GRK5: variants seen among roughly 807,000 people sequenced by gnomAD.
The protein encoded by GRK5 is G protein-coupled receptor kinase 5, also known as g protein-coupled receptor kinase GRK5.
GRK5 carries 40 observed loss-of-function variants against 78.4 expected under a neutral mutation model. The observed-to-expected ratio is 0.51, with a 90% CI of 0.40 to 0.66. The LOEUF (loss-of-function observed/expected upper bound fraction) is 0.66. GRK5 is among the 30% of genes least tolerant of loss of function. The pLI, the probability that GRK5 is intolerant of heterozygous loss-of-function variation, is 0.00. For synonymous variants in GRK5, 289 were observed against 296.8 expected (o/e 0.97, Z 0.27); for missense variants, 598 against 759.9 (o/e 0.79, Z 2.50).
chr10:119,444,194 G>A (rs1853098266), intron 12 of GRK5, among the ~76,000 whole-genome samples: 1 of 152,158 alleles, frequency 6.6e-6, no homozygotes, highest in African/African-American at 2.4e-5. Context: ...AGGGGGTGGG[G>A]GCGACGATTT....
chr10:119,290,367 A>AAAC (rs1242322365), intron 1 of GRK5, among the ~76,000 whole-genome samples: 14,213 of 134,392 alleles, frequency 0.11, 1,492 homozygotes, highest in Non-Finnish European at 0.16. Flanking sequence ...AAAAAAACAA[A>AAAC]AAACAACTCT....
At chr10:119,234,555 C>G (rs1002534998) in intron 1 of GRK5, among the ~76,000 whole-genome samples, 1 of 152,170 alleles carries the variant, frequency 6.6e-6, no homozygotes, top group South Asian at 2.1e-4. Flanking sequence ...GATAATGTGT[C>G]TTAAATTTAA....
At chr10:119,449,573 G>A (rs1853232750) in intron 13 of GRK5, among the ~76,000 whole-genome samples, 1 of 152,160 alleles carries the variant, frequency 6.6e-6, no homozygotes, top group African/African-American at 2.4e-5. Context: ...GGCTGAGGCA[G>A]TCGGGTTAGG....
intron 1 of GRK5, among the ~76,000 whole-genome samples, chr10:119,259,059 CTTTTTCTTTT>C (rs1849330162): frequency 9.8e-6 from 1 of 102,430 alleles, no homozygotes; most frequent in Non-Finnish European, 2.1e-5. Flanking sequence ...CTCCCTCTTT[CTTTTTCTTTT>C]TTTTTTTTTT....
At chr10:119,352,334 G>T (rs572276062) in intron 2 of GRK5, among the ~76,000 whole-genome samples, 3 of 152,276 alleles carry the variant, frequency 2.0e-5, no homozygotes, top group African/African-American at 7.2e-5. Context: ...AAGGGTAAAA[G>T]TACATATCTC....
intron 2 of GRK5, among the ~76,000 whole-genome samples, chr10:119,344,098 G>A (rs1476991492): frequency 1.3e-5 from 2 of 151,662 alleles, no homozygotes; most frequent in East Asian, 1.9e-4. Flanking sequence ...TTGGCGGGGG[G>A]TAACAGATCC....
chr10:119,455,328 G>T lies in GRK5; in HGVS notation c.*261G>T. On this transcript the variant is annotated 3_prime_UTR_variant, in exon 16 of 16. Transcript: ENST00000392870. Reference sequence around the variant, plus strand: ...TTGCAATAGAAATCCAATTGGATACGACAACTTGCACGTATTTTAATAGCG... The same window carrying T: ...TTGCAATAGAAATCCAATTGGATACTACAACTTGCACGTATTTTAATAGCG... 1.5e-6 allele frequency: 1 copy of T among 664,134 alleles called. No individual in the cohort carries two copies. The highest frequency in any genetic ancestry group is 2.8e-6 in the Non-Finnish European group (1 of 362,896). The allele number at this position is 664,134 out of a possible 1,614,324, so 41.1% of individuals were successfully genotyped here.
intron 2 of GRK5, among the ~76,000 whole-genome samples, chr10:119,337,627 CT>C (rs549561762): frequency 6.6e-6 from 1 of 151,074 alleles, no homozygotes; most frequent in Non-Finnish European, 1.5e-5. Flanking sequence ...ACTTTTTTCT[CT>C]TTTTTTTTGA....
chr10:119,227,352 A>G (rs1848758521), intron 1 of GRK5, among the ~76,000 whole-genome samples: 1 of 152,156 alleles, frequency 6.6e-6, no homozygotes, highest in East Asian at 1.9e-4. Flanking sequence ...GGATTGCTTG[A>G]GCCCAGGAGT....
chr10:119,426,981 TCAA>T (rs1373718546), intron 6 of GRK5, among the ~76,000 whole-genome samples: 1 of 151,144 alleles, frequency 6.6e-6, no homozygotes, highest in Non-Finnish European at 1.5e-5. Flanking sequence ...ATCACCGCCA[TCAA>T]CATCACCACC....
intron 1 of GRK5, among the ~76,000 whole-genome samples, chr10:119,283,435 C>T (rs1217671749): frequency 1.3e-5 from 2 of 152,206 alleles, no homozygotes; most frequent in African/African-American, 4.8e-5. Context: ...GCAAGTCCTT[C>T]TTCTAGGCTG....
chr10:119,454,455 T>A (rs897337269), intron 15 of GRK5, among the ~76,000 whole-genome samples: 1 of 152,148 alleles, frequency 6.6e-6, no homozygotes, highest in Non-Finnish European at 1.5e-5. Flanking sequence ...TCCTCCCCTC[T>A]GCAACATGAA....
chr10:119,318,656 C>T (rs558167916), intron 1 of GRK5, among the ~76,000 whole-genome samples: 51 of 152,204 alleles, frequency 3.4e-4, no homozygotes, highest in Non-Finnish European at 6.5e-4. Context: ...GCACCCCAGC[C>T]GCATCCCACT....
chr10:119,374,194 A>T lies in GRK5; in HGVS notation c.149-6621A>T, dbSNP rs1851590629. 2.6e-5 allele frequency among the ~76,000 whole-genome samples: 4 copies of T among 152,188 alleles called. No individual in the cohort carries two copies. In the South Asian group the frequency reaches 8.3e-4, roughly 32 times the overall value. ...ATGCCAAGAAGGTTTGCAGGTTGAG[A>T]AGGGGCTTAGAGGTTATTATTCGAA... On this transcript the variant is annotated intron_variant, in intron 2 of 15. Transcript: ENST00000392870.
At chr10:119,320,264 A>C (rs556936791) in intron 1 of GRK5, among the ~76,000 whole-genome samples, 1 of 152,324 alleles carries the variant, frequency 6.6e-6, no homozygotes, top group Non-Finnish European at 1.5e-5. Context: ...GAAGAAGGTG[A>C]CAGAGAACAA....
At chr10:119,323,130 G>T (rs2133758477) in intron 1 of GRK5, among the ~76,000 whole-genome samples, 1 of 152,270 alleles carries the variant, frequency 6.6e-6, no homozygotes, top group East Asian at 1.9e-4. Context: ...GAGAGAGGTT[G>T]CCGGGAGCTA....
chr10:119,254,106 G>A (rs1169639885), intron 1 of GRK5, among the ~76,000 whole-genome samples: 1 of 152,180 alleles, frequency 6.6e-6, no homozygotes, highest in Non-Finnish European at 1.5e-5. Flanking sequence ...CTGCTGGGCC[G>A]GTGACTGTCC....
At chr10:119,344,930 C>CTTCT (rs1851060535) in intron 2 of GRK5, among the ~76,000 whole-genome samples, 4 of 135,496 alleles carry the variant, frequency 3.0e-5, no homozygotes, top group African/African-American at 5.3e-5. Flanking sequence ...TCCTTCCTTC[C>CTTCT]TTCCTTTTCC....
intron 1 of GRK5, among the ~76,000 whole-genome samples, chr10:119,228,103 G>C (rs2133720656): frequency 6.6e-6 from 1 of 152,226 alleles, no homozygotes; most frequent in Non-Finnish European, 1.5e-5. Flanking sequence ...TCAAATAGTA[G>C]ACTCATACAT....
Sources: allele counts gnomAD v4.1 joint callset (sites outside exome capture counted in the v4.1 genomes callset), GRCh38; gene constraint gnomAD v4.1.1; transcripts MANE v1.5; gene names NCBI Gene and HGNC (gene_info 2026-07-23, HGNC 2026-07-21).